CCDC62: variants seen among roughly 807,000 people sequenced by gnomAD.
The protein encoded by CCDC62 is coiled-coil domain containing 62.
In CCDC62, 72 loss-of-function variants were observed where a neutral mutation model predicts 80.8. That is an observed-to-expected ratio of 0.89 (90% CI 0.74 to 1.08). CCDC62 has a LOEUF of 1.08. Ranked by LOEUF, CCDC62 falls within the 50% of genes least tolerant of loss-of-function variation. The probability of loss-of-function intolerance (pLI) is 0.00; values close to 1 mark genes in which losing one functional copy is unlikely to be tolerated. For missense variants in CCDC62, 704 were observed against 809.4 expected (o/e 0.87, Z 1.58); for synonymous variants, 286 against 296.5 (o/e 0.96, Z 0.36).
intron 11 of CCDC62, among the ~76,000 whole-genome samples, chr12:122,815,030 G>T (rs1419673989): frequency 1.3e-5 from 2 of 151,940 alleles, no homozygotes; most frequent in African/African-American, 4.8e-5. Flanking sequence ...CCGGCCTCAA[G>T]TAATCCTCCT....
At chr12:122,808,284 G>T (rs529068125) in intron 10 of CCDC62, among the ~76,000 whole-genome samples, 1 of 152,054 alleles carries the variant, frequency 6.6e-6, no homozygotes, top group African/African-American at 2.4e-5. Flanking sequence ...GTGACAGAGC[G>T]AGATTCAATC....
chr12:122,813,225 G>T, intron 10 of CCDC62, 45 bp from the exon 11 acceptor site: 1 of 1,540,074 alleles, frequency 6.5e-7, no homozygotes. Flanking sequence ...TAGCATTTGT[G>T]TTTGTAAACC....
At chr12:122,811,821 C>CAA (rs67025764) in intron 10 of CCDC62, among the ~76,000 whole-genome samples, 594 of 34,702 alleles carry the variant, frequency 0.017, 41 homozygotes, top group Middle Eastern at 0.038. Context: ...ACTCCATCTG[C>CAA]AAAAAAAAAA....
intron 11 of CCDC62, among the ~76,000 whole-genome samples, chr12:122,821,545 G>A (rs540977764): frequency 6.6e-6 from 1 of 152,262 alleles, no homozygotes; most frequent in Admixed American, 6.5e-5. Context: ...AAACTCCCAG[G>A]CTCCAGCGGT....
chr12:122,821,541 C>T (rs1199326862), intron 11 of CCDC62, among the ~76,000 whole-genome samples: 1 of 152,140 alleles, frequency 6.6e-6, no homozygotes. Flanking sequence ...CCTCAAACTC[C>T]CAGGCTCCAG....
intron 6 of CCDC62, among the ~76,000 whole-genome samples, chr12:122,794,283 C>T (rs2030805064): frequency 6.6e-6 from 1 of 151,858 alleles, no homozygotes; most frequent in South Asian, 2.1e-4. Flanking sequence ...CAGCCTCAAA[C>T]TCTGAGGCTC....
In CCDC62 at chr12:122,813,340, C is replaced by T. The variant is rs1043623162; in HGVS notation, c.1922C>T (p.Ser641Phe). 6.2e-7 allele frequency: 1 copy of T among 1,613,914 alleles called. No homozygotes were observed. Among genetic ancestry groups the T allele is most frequent in the African/African-American group, 1.3e-5 (1 of 74,952 alleles). The change falls in exon 11 of 13, where the codon TCT (serine) becomes TTT (phenylalanine). Residue 641 changes from serine (S) to phenylalanine (F), a missense_variant. Transcript: ENST00000253079. ...TSKLQRLLAE[S>F]RQMVTDLELS... ...AAGCTCCAGCGTTTGCTGGCGGAATCTCGTCAGATGGTGACGGACCTGGAG... is the reference window on the plus strand; with the variant it reads ...AAGCTCCAGCGTTTGCTGGCGGAATTTCGTCAGATGGTGACGGACCTGGAG...
intron 12 of CCDC62, among the ~76,000 whole-genome samples, chr12:122,826,021 A>G (rs1379826532): frequency 1.3e-5 from 2 of 151,000 alleles, no homozygotes. Context: ...AAAGTTTTAC[A>G]TCGAGTAAAA....
chr12:122,788,640 T>C, intron 4 of CCDC62, 118 bp from the exon 5 acceptor site: 1 of 639,174 alleles, frequency 1.6e-6, no homozygotes. Context: ...AATGAATTCA[T>C]ATGCGAAAAA....
At chr12:122,781,721 T>C (rs989415713) in intron 3 of CCDC62, among the ~76,000 whole-genome samples, 2 of 151,606 alleles carry the variant, frequency 1.3e-5, no homozygotes, top group Admixed American at 1.3e-4. Context: ...TAGATTTAAA[T>C]GTTTCATTAA....
intron 6 of CCDC62, among the ~76,000 whole-genome samples, 186 bp downstream of exon 6, chr12:122,792,307 G>T (rs1411508138): frequency 1.4e-5 from 2 of 147,984 alleles, no homozygotes; most frequent in African/African-American, 5.0e-5. Context: ...TGCAACTTCT[G>T]CCTCCCGGGC....
intron 5 of CCDC62, 96 bp from the exon 6 acceptor site, chr12:122,791,924 A>C: frequency 1.2e-6 from 1 of 804,534 alleles, no homozygotes; most frequent in Non-Finnish European, 2.1e-6. Flanking sequence ...CAGGACCGGA[A>C]GGAGCCGCTG....
chr12:122,779,386 A>G (rs1879682534), intron 2 of CCDC62, among the ~76,000 whole-genome samples: 1 of 152,180 alleles, frequency 6.6e-6, no homozygotes, highest in Non-Finnish European at 1.5e-5. Context: ...GAAGGTGTGC[A>G]TATCCTACAG....
chr12:122,820,096 A>G (rs2032340487), intron 11 of CCDC62, among the ~76,000 whole-genome samples: 1 of 150,448 alleles, frequency 6.6e-6, no homozygotes, highest in Non-Finnish European at 1.5e-5. Context: ...AGAAGAAGAA[A>G]AGAAAGAGGA....
At chr12:122,815,588 A>T (rs2032133016) in intron 11 of CCDC62, among the ~76,000 whole-genome samples, 1 of 151,964 alleles carries the variant, frequency 6.6e-6, no homozygotes, top group Non-Finnish European at 1.5e-5. Context: ...CTGGGACTAC[A>T]GGCGCCCGCC....
chr12:122,809,058 C>T (rs984090141), intron 10 of CCDC62, among the ~76,000 whole-genome samples: 1 of 152,322 alleles, frequency 6.6e-6, no homozygotes, highest in East Asian at 1.9e-4. Flanking sequence ...TTTATAGCTT[C>T]GATTTCAACT....
chr12:122,780,919 T>A (rs1194163893), intron 2 of CCDC62, among the ~76,000 whole-genome samples: 1 of 152,178 alleles, frequency 6.6e-6, no homozygotes, highest in African/African-American at 2.4e-5. Flanking sequence ...AAGATCAGGG[T>A]CATGGTTGGG....
At chr12:122,778,039 G>C (rs1295208524) in intron 2 of CCDC62, among the ~76,000 whole-genome samples, 1 of 152,102 alleles carries the variant, frequency 6.6e-6, no homozygotes, top group Admixed American at 6.6e-5. Flanking sequence ...TATTGAACTT[G>C]ATCTTAAGTT....
chr12:122,799,397 T>G (rs532944483), intron 8 of CCDC62, among the ~76,000 whole-genome samples: 3 of 152,142 alleles, frequency 2.0e-5, no homozygotes, highest in Non-Finnish European at 4.4e-5. Flanking sequence ...GGCATGGCAC[T>G]CGCCCAAAAG....
Sources: gnomAD v4.1 joint callset for allele counts (sites outside exome capture counted in the v4.1 genomes callset) on GRCh38, gnomAD v4.1.1 for gene constraint, MANE v1.5 for transcripts, NCBI Gene and HGNC (gene_info 2026-07-23, HGNC 2026-07-21) for gene names.